Variants in KAZN observed in about 807,000 individuals in gnomAD.
The protein encoded by KAZN is kazrin, periplakin interacting protein.
In KAZN, 40 loss-of-function variants were observed where a neutral mutation model predicts 87.4. That is an observed-to-expected ratio of 0.46 (90% confidence interval 0.36 to 0.60). The LOEUF is 0.60. Among genes scored for constraint, KAZN ranks in the 20% least tolerant of loss-of-function variants. The probability of loss-of-function intolerance (pLI) is 0.00; values close to 1 mark genes in which losing one functional copy is unlikely to be tolerated. For missense variants in KAZN, 898 were observed against 1,073.9 expected, an observed-to-expected ratio of 0.84 and a Z score of 2.29; for synonymous variants, 466 against 458.3, an observed-to-expected ratio of 1.02 and a Z score of -0.22.
At chr1:14,544,293 C>T (rs1013748911) in intron 2 of KAZN, among the ~76,000 whole-genome samples, 8 of 149,578 alleles carry the variant, frequency 5.3e-5, no homozygotes, top group African/African-American at 1.7e-4. Context: ...TGCAGACAAA[C>T]CACAAATTAC....
intron 2 of KAZN, among the ~76,000 whole-genome samples, chr1:14,190,167 A>G (rs1468764691): frequency 2.0e-5 from 3 of 152,176 alleles, no homozygotes; most frequent in Non-Finnish European, 2.9e-5. Flanking sequence ...TGGTCATTAC[A>G]ACAGGTGCAT....
chr1:14,433,880 C>T (rs1193469683), intron 2 of KAZN, among the ~76,000 whole-genome samples: 2 of 152,124 alleles, frequency 1.3e-5, no homozygotes, highest in African/African-American at 4.8e-5. Flanking sequence ...AAAAAGGAGA[C>T]AGTGAAGCGT....
At chr1:14,027,944 C>T (rs954663261) in intron 1 of KAZN, among the ~76,000 whole-genome samples, 1 of 152,144 alleles carries the variant, frequency 6.6e-6, no homozygotes, top group Non-Finnish European at 1.5e-5. Context: ...TATCTGGTTC[C>T]AAATGAGCCA....
At chr1:14,233,317 T>G (rs1275289774) in intron 2 of KAZN, among the ~76,000 whole-genome samples, 1 of 152,088 alleles carries the variant, frequency 6.6e-6, no homozygotes, top group Non-Finnish European at 1.5e-5. Flanking sequence ...TTTTTATTTT[T>G]GTAGAGACAG....
intron 2 of KAZN, among the ~76,000 whole-genome samples, chr1:14,400,235 G>A (rs898274202): frequency 6.6e-6 from 1 of 152,176 alleles, no homozygotes; most frequent in African/African-American, 2.4e-5. Context: ...AATCACAAAG[G>A]AAGAAATCTC....
intron 2 of KAZN, among the ~76,000 whole-genome samples, chr1:14,311,330 A>G (rs1188231541): frequency 6.6e-6 from 1 of 152,158 alleles, no homozygotes; most frequent in Admixed American, 6.6e-5. Context: ...AATAAAAATT[A>G]CTTTGTGGAG....
intron 1 of KAZN, among the ~76,000 whole-genome samples, chr1:13,953,758 C>T (rs192709923): frequency 6.6e-6 from 1 of 152,232 alleles, no homozygotes; most frequent in Non-Finnish European, 1.5e-5. Flanking sequence ...TTTTTACATT[C>T]TAATCATTTT....
At chr1:15,000,242 C>A (rs138012235) in intron 2 of KAZN, among the ~76,000 whole-genome samples, 1 of 149,746 alleles carries the variant, frequency 6.7e-6, no homozygotes, top group Non-Finnish European at 1.5e-5. Flanking sequence ...GGGATGCAGG[C>A]GGCCTCTAAA....
intron 8 of KAZN, among the ~76,000 whole-genome samples, chr1:15,087,240 G>A (rs900546396): frequency 1.3e-5 from 2 of 152,126 alleles, no homozygotes; most frequent in Non-Finnish European, 2.9e-5. Context: ...AAAAGGAACA[G>A]GTGACATGAC....
chr1:13,932,165 A>G (rs1488036624), intron 1 of KAZN, among the ~76,000 whole-genome samples: 4 of 151,942 alleles, frequency 2.6e-5, no homozygotes, highest in African/African-American at 4.8e-5. Flanking sequence ...GTCAAGTTTT[A>G]CATTTAATAA....
At chr1:14,950,726 C>T (rs1662378326) in intron 1 of KAZN, among the ~76,000 whole-genome samples, 1 of 152,108 alleles carries the variant, frequency 6.6e-6, no homozygotes, top group African/African-American at 2.4e-5. Flanking sequence ...AGACTCCCAA[C>T]CCCACTCAGA....
intron 6 of KAZN, chr1:15,062,566 C>A: frequency 6.6e-6 from 1 of 152,664 alleles, no homozygotes; most frequent in Non-Finnish European, 1.5e-5. Flanking sequence ...CTCATCCTCT[C>A]ACACTCTGGC....
chr1:15,056,371 G>A lies in KAZN; in HGVS notation c.916+91G>A, dbSNP rs12043072. The A allele has an allele frequency of 4.2e-3, 5,461 of 1,313,772 alleles. 103 individuals are homozygous for A. Among genetic ancestry groups the A allele is most frequent in the South Asian group, 0.035 (2,409 of 69,700 alleles). 81.4% of individuals were successfully genotyped at this position (1,313,772 alleles called of 1,614,324 possible). ...AGTGGGAGAGGCAGCTGCTTTGTTC[G>A]TACTACAGCAGCTTGGGGGCGTGGG... On this transcript the variant is annotated intron_variant, in intron 5 of 14. Transcript: ENST00000376030. The surrounding 1 kb of genome is among the most constrained non-coding windows in gnomAD (Gnocchi z 5.4).
intron 1 of KAZN, among the ~76,000 whole-genome samples, chr1:14,021,953 CTTTT>C (rs141959214): frequency 1.7e-5 from 2 of 114,290 alleles, no homozygotes; most frequent in Non-Finnish European, 3.4e-5. Flanking sequence ...AATGAACATG[CTTTT>C]TTTTTTTTTT....
At chr1:13,902,417 G>A (rs1639283689) in intron 1 of KAZN, among the ~76,000 whole-genome samples, 2 of 152,136 alleles carry the variant, frequency 1.3e-5, no homozygotes, top group South Asian at 2.1e-4. Flanking sequence ...GTAGTCAGCC[G>A]GCTTAACTTC....
At chr1:14,792,984 A>AC (rs1645722875) in intron 1 of KAZN, among the ~76,000 whole-genome samples, 2 of 151,870 alleles carry the variant, frequency 1.3e-5, no homozygotes, top group Non-Finnish European at 2.9e-5. Flanking sequence ...CAAAAAAAAA[A>AC]AAAAAAACAT....
intron 1 of KAZN, among the ~76,000 whole-genome samples, chr1:13,986,948 T>C (rs937773035): frequency 2.0e-5 from 3 of 152,198 alleles, no homozygotes; most frequent in African/African-American, 7.2e-5. Context: ...TTCAGTTGCC[T>C]GAGTGTAGGT....
At chr1:14,643,271 C>T (rs565975048) in intron 1 of KAZN, among the ~76,000 whole-genome samples, 4 of 152,282 alleles carry the variant, frequency 2.6e-5, no homozygotes, top group Non-Finnish European at 4.4e-5. Flanking sequence ...TTCATCACCT[C>T]GGTATTAAGC....
intron 1 of KAZN, among the ~76,000 whole-genome samples, chr1:14,122,562 T>C (rs911343452): frequency 1.3e-5 from 2 of 152,192 alleles, no homozygotes; most frequent in Non-Finnish European, 2.9e-5. Flanking sequence ...CCAGCTCACA[T>C]AGTTGATGAG....
Sources: gnomAD v4.1 joint callset for allele counts (sites outside exome capture counted in the v4.1 genomes callset) on GRCh38, gnomAD v4.1.1 for gene constraint, Gnocchi (gnomAD v3.1) non-coding constraint, MANE v1.5 for transcripts, NCBI Gene and HGNC (gene_info 2026-07-23, HGNC 2026-07-21) for gene names.